CNIH3: variants seen among roughly 807,000 people sequenced by gnomAD.
The protein encoded by CNIH3 is protein cornichon homolog 3.
Under a neutral mutation model 24.1 loss-of-function variants are expected in CNIH3, and 14 were observed. The observed-to-expected ratio is 0.58, with a 90% CI of 0.38 to 0.91. The LOEUF (loss-of-function observed/expected upper bound fraction) is 0.91. CNIH3 is among the 40% of genes least tolerant of loss of function. The probability of loss-of-function intolerance (pLI) is 0.00; values close to 1 mark genes in which losing one functional copy is unlikely to be tolerated. For synonymous variants in CNIH3, 68 were observed against 73.8 expected (o/e 0.92, Z 0.40); for missense variants, 178 against 196.8 (o/e 0.90, Z 0.57).
chr1:224,737,663 C>T (rs1400494001), intron 5 of CNIH3, among the ~76,000 whole-genome samples: 3 of 152,130 alleles, frequency 2.0e-5, no homozygotes, highest in South Asian at 4.1e-4. Flanking sequence ...CACACAACAG[C>T]GGGGAAGACG....
intron 1 of CNIH3, among the ~76,000 whole-genome samples, chr1:224,517,783 G>T (rs1429666131): frequency 6.6e-6 from 1 of 152,170 alleles, no homozygotes; most frequent in African/African-American, 2.4e-5. Flanking sequence ...GATCCGGGTT[G>T]CTGCATTTGC....
At chr1:224,528,730 C>T (rs1465340539) in intron 2 of CNIH3, among the ~76,000 whole-genome samples, 1 of 152,110 alleles carries the variant, frequency 6.6e-6, no homozygotes, top group Non-Finnish European at 1.5e-5. Flanking sequence ...TGTTTTTCTA[C>T]ATGATTATAT....
chr1:224,485,746 A>G (rs1677003684), intron 1 of CNIH3, among the ~76,000 whole-genome samples: 1 of 152,246 alleles, frequency 6.6e-6, no homozygotes, highest in South Asian at 2.1e-4. Context: ...GATTACTAGC[A>G]TGAGCCAGGA....
At chr1:224,499,099 C>T (rs774101425) in intron 1 of CNIH3, among the ~76,000 whole-genome samples, 2 of 152,142 alleles carry the variant, frequency 1.3e-5, no homozygotes, top group Non-Finnish European at 2.9e-5. Context: ...GAAGACACTC[C>T]GTTAAAGCTT....
intron 1 of CNIH3, among the ~76,000 whole-genome samples, chr1:224,486,805 C>T (rs182589080): frequency 6.6e-5 from 10 of 152,262 alleles, no homozygotes; most frequent in Admixed American, 6.5e-4. Flanking sequence ...AGAAATAATG[C>T]AAGTAGAGTG....
Position 224,734,836 on chromosome 1 carries a change from C to G in CNIH3, c.455+130C>G, listed in dbSNP as rs1428537851. The G allele has an allele frequency of 7.6e-6, 7 of 922,120 alleles. No homozygotes were observed. In the Admixed American group the frequency reaches 1.4e-4, roughly 18 times the overall value. 57.1% of individuals were successfully genotyped at this position (922,120 alleles called of 1,614,324 possible). Reference sequence around the variant, plus strand: ...GGAGTCATGGCCATTCAGGTGTAGTCCCAGCTGTCTGACTCTGGCTCAGGA... The same window carrying G: ...GGAGTCATGGCCATTCAGGTGTAGTGCCAGCTGTCTGACTCTGGCTCAGGA... On this transcript the variant is annotated intron_variant, in intron 5 of 5. Transcript: ENST00000272133.
chr1:224,600,067 T>A (rs1682142691), intron 3 of CNIH3, among the ~76,000 whole-genome samples: 1 of 152,214 alleles, frequency 6.6e-6, no homozygotes, highest in African/African-American at 2.4e-5. Context: ...TGTATGCTTA[T>A]ATAGGTATTA....
intron 3 of CNIH3, among the ~76,000 whole-genome samples, chr1:224,697,931 C>G (rs763078907): frequency 7.2e-5 from 11 of 152,260 alleles, no homozygotes; most frequent in Non-Finnish European, 1.0e-4. Context: ...GAGAGAATTC[C>G]TCTGAGCTCC....
In CNIH3 at chr1:224,737,576, G is replaced by A. The variant is rs114913232; in HGVS notation, c.456-1753G>A. The stretch of plus-strand genomic sequence containing the variant: ...TGGTGGAGAGCACAGCAGCGTCAGC[G>A]CAGGCCACCGTGGGAGGGAGGGAAG... On this transcript the variant is annotated intron_variant, in intron 5 of 5. Coordinates refer to ENST00000272133, the MANE Select transcript of CNIH3 (RefSeq NM_152495.2). Among the ~76,000 whole-genome samples, 1,003 of 152,128 alleles carry A rather than the reference G, an allele frequency of 6.6e-3. 10 individuals are homozygous for A. Among genetic ancestry groups the A allele is most frequent in the African/African-American group, 0.022 (906 of 41,502 alleles).
chr1:224,665,789 C>G (rs561299965), intron 1 of CNIH3, among the ~76,000 whole-genome samples: 1 of 135,618 alleles, frequency 7.4e-6, no homozygotes, highest in East Asian at 2.5e-4. Flanking sequence ...CTCCCTTTTT[C>G]CCAGCACCAT....
chr1:224,600,359 T>G (rs1296660145), intron 3 of CNIH3, among the ~76,000 whole-genome samples: 2 of 152,014 alleles, frequency 1.3e-5, no homozygotes, highest in Non-Finnish European at 2.9e-5. Context: ...CTGGCTAATT[T>G]TTTTGTATTT....
chr1:224,540,275 C>A (rs1426676084), downstream of CNIH3, among the ~76,000 whole-genome samples: 1 of 152,142 alleles, frequency 6.6e-6, no homozygotes, highest in Non-Finnish European at 1.5e-5. Flanking sequence ...GAAATGCAAC[C>A]AAAGTAGTTT....
chr1:224,610,886 C>T (rs951351864), intron 3 of CNIH3, among the ~76,000 whole-genome samples: 1 of 152,136 alleles, frequency 6.6e-6, no homozygotes, highest in Non-Finnish European at 1.5e-5. Flanking sequence ...AACCCCAAAG[C>T]ACTGTCTCTC....
intron 1 of CNIH3, among the ~76,000 whole-genome samples, chr1:224,676,539 TC>T (rs1302395741): frequency 7.2e-5 from 11 of 152,338 alleles, no homozygotes; most frequent in African/African-American, 2.6e-4. Flanking sequence ...AATGATCTTA[TC>T]GTTGGTTTAG....
intron 2 of CNIH3, among the ~76,000 whole-genome samples, chr1:224,532,990 A>T (rs1679133053): frequency 6.6e-6 from 1 of 152,212 alleles, no homozygotes; most frequent in South Asian, 2.1e-4. Flanking sequence ...GAAGGACTAA[A>T]TAGTATCATT....
downstream of CNIH3, among the ~76,000 whole-genome samples, chr1:224,542,430 GA>G (rs1558145110): frequency 1.3e-5 from 2 of 152,158 alleles, no homozygotes; most frequent in South Asian, 4.1e-4. Context: ...AAATGGAACT[GA>G]AAACCAGTGT....
At chr1:224,609,740 C>T (rs1305914111) in intron 3 of CNIH3, among the ~76,000 whole-genome samples, 1 of 152,204 alleles carries the variant, frequency 6.6e-6, no homozygotes, top group Non-Finnish European at 1.5e-5. Flanking sequence ...AGGAGGCTCA[C>T]AGCCCACTTA....
At chr1:224,681,235 G>A (rs1033202180) in intron 2 of CNIH3, among the ~76,000 whole-genome samples, 2 of 152,188 alleles carry the variant, frequency 1.3e-5, no homozygotes, top group African/African-American at 4.8e-5. Flanking sequence ...AGATGTGACT[G>A]TCCCAGTAAC....
At chr1:224,705,695 G>A (rs1180744533) in intron 3 of CNIH3, among the ~76,000 whole-genome samples, 1 of 152,098 alleles carries the variant, frequency 6.6e-6, no homozygotes, top group Non-Finnish European at 1.5e-5. Flanking sequence ...AGGGGTTGTT[G>A]TGAATGTTCT....
Sources: allele counts gnomAD v4.1 joint callset (sites outside exome capture counted in the v4.1 genomes callset), GRCh38; gene constraint gnomAD v4.1.1; transcripts MANE v1.5; gene names NCBI Gene and HGNC (gene_info 2026-07-23, HGNC 2026-07-21).